HOXC9: variants seen among roughly 807,000 people sequenced by gnomAD.
HOXC9 encodes homeobox protein Hox-C9.
In HOXC9, 10 loss-of-function variants were observed where a neutral mutation model predicts 20.0. The observed-to-expected ratio is 0.50, with a 90% CI of 0.31 to 0.85. The LOEUF (loss-of-function observed/expected upper bound fraction) is 0.85, where lower values mean the gene tolerates loss of function less well. HOXC9 is among the 40% of genes least tolerant of loss of function. The pLI, the probability that HOXC9 is intolerant of heterozygous loss-of-function variation, is 0.05. For synonymous variants in HOXC9, 200 were observed against 163.7 expected, an observed-to-expected ratio of 1.22 and a Z score of -1.69; for missense variants, 394 against 376.7, an observed-to-expected ratio of 1.05 and a Z score of -0.38.
rs1180576140 is a variant in HOXC9 at position 54,003,054 on chromosome 12, G to C, written c.*380G>C. ...TTTCCCTGTATCGTATTTGGTCCAG[G>C]TCATCCCTCCCCGGGCCTGGGGCGC... On this transcript the variant is annotated 3_prime_UTR_variant, in exon 2 of 2. Transcript: ENST00000303450. 1 of 158,720 alleles carries C rather than the reference G, an allele frequency of 6.3e-6. No individual in the cohort carries two copies. Among genetic ancestry groups the C allele is most frequent in the East Asian group, 1.8e-4 (1 of 5,476 alleles). The allele number at this position is 158,720 out of a possible 1,614,324, so 9.8% of individuals were successfully genotyped here. A position where few individuals can be genotyped will look rare whatever the true frequency, so the allele number is the denominator to read the frequency against.
At chr12:54,002,083 T>C (rs1939758778) in intron 1 of HOXC9, among the ~76,000 whole-genome samples, 1 of 151,742 alleles carries the variant, frequency 6.6e-6, no homozygotes, top group Non-Finnish European at 1.5e-5. Flanking sequence ...GCTATAAAAA[T>C]AAAAAACAAG....
chr12:54,002,423 C>T lies in HOXC9; in HGVS notation c.539-7C>T. The T allele has an allele frequency of 6.2e-7, 1 of 1,612,320 alleles. No homozygotes were observed. The highest frequency in any genetic ancestry group is 8.5e-7 in the Non-Finnish European group (1 of 1,178,814). On this transcript the variant is annotated splice_region_variant and splice_polypyrimidine_tract_variant and intron_variant, in intron 1 of 1. Transcript: ENST00000303450. ...CCACTGACCCCTGCTTGTGTTTGGC[C>T]CTCCAGGCAACCCCGTGGCCAACTG... is the stretch of plus-strand genomic sequence containing the variant.
intron 1 of HOXC9, among the ~76,000 whole-genome samples, chr12:54,001,454 A>T (rs904646529): frequency 4.0e-5 from 6 of 148,766 alleles, no homozygotes; most frequent in Non-Finnish European, 8.9e-5. Flanking sequence ...ACACACACAC[A>T]CTCACTCTCA....
At chr12:54,002,346 C>G (rs1939764240) in intron 1 of HOXC9, 84 bp from the exon 2 acceptor site, 1 of 1,481,748 alleles carries the variant, frequency 6.7e-7, no homozygotes. Context: ...ATTTGGGGAG[C>G]CTGGCTAAGT....
Position 54,000,401 on chromosome 12 carries a change from T to A in HOXC9, c.213T>A (p.Ser71=). The change falls in exon 1 of 2, where the codon TCT becomes TCA. Residue 71 remains serine, a synonymous_variant. Coordinates refer to ENST00000303450, the MANE Select transcript of HOXC9 (RefSeq NM_006897.3). ...VFSTSWAPVP[S]QSSVVYHPYG... is the part of the protein sequence containing the mutation. ...GCACGTCGTGGGCGCCCGTGCCCTCTCAGTCGTCCGTGGTATATCACCCGT... is the reference window on the plus strand; with the variant it reads ...GCACGTCGTGGGCGCCCGTGCCCTCACAGTCGTCCGTGGTATATCACCCGT... The A allele has an allele frequency of 6.2e-7, 1 of 1,612,752 alleles. No homozygotes were observed. Among genetic ancestry groups the A allele is most frequent in the South Asian group, 1.1e-5 (1 of 91,082 alleles).
At position 54,000,559 on chromosome 12, in the gene HOXC9, C is replaced by T. The variant is rs1345014854; in HGVS notation, c.371C>T (p.Pro124Leu). The change falls in exon 1 of 2, where the codon CCC becomes CTC. Residue 124 changes from proline (P) to leucine (L), a missense_variant. Coordinates refer to ENST00000303450, the MANE Select transcript of HOXC9 (RefSeq NM_006897.3). ...TACGCCCTCAAGCCGGACGCCTACC[C>T]CGGGCGCCGCGCGGACTGCGGCCCA... ...RHYALKPDAY[P>L]GRRADCGPGE... 1.3e-6 allele frequency: 2 copies of T among 1,539,522 alleles called. No homozygotes were observed. The highest frequency in any genetic ancestry group is 4.1e-5 in the Admixed American group (2 of 48,634).
rs1460990570 is a variant in HOXC9, at chr12:54,000,467, G to T, written c.279G>T (p.Met93Ile). ...ACCTCGGCGCCGACACGCGCTACAT[G>T]CGGACTTGGCTCGAGCCGCTGTCCG... ...QPHLGADTRY[M>I]RTWLEPLSGA... is the part of the protein sequence containing the mutation. The change falls in exon 1 of 2, where the codon ATG becomes ATT. Residue 93 changes from methionine (M) to isoleucine (I), a missense_variant. Met to Ile is a conservative substitution (Grantham distance 10). Transcript: ENST00000303450. The T allele has an allele frequency of 6.2e-7, 1 of 1,602,676 alleles. No homozygotes were observed.
intron 1 of HOXC9, among the ~76,000 whole-genome samples, chr12:54,001,114 C>T (rs1248673612): frequency 6.6e-6 from 1 of 151,998 alleles, no homozygotes; most frequent in Non-Finnish European, 1.5e-5. Context: ...GTGAGGAGGA[C>T]ACTGGGGGCA....
chr12:54,001,716 C>T (rs1393014197), intron 1 of HOXC9, among the ~76,000 whole-genome samples: 2 of 152,104 alleles, frequency 1.3e-5, no homozygotes, highest in East Asian at 1.9e-4. Flanking sequence ...CCTCCCTGCC[C>T]TCAGCTACTC....
At position 54,000,626 on chromosome 12, in the gene HOXC9, C is replaced by G. The variant is rs771064924; in HGVS notation, c.438C>G (p.Pro146=). 2 of 1,539,014 alleles carry G rather than the reference C, an allele frequency of 1.3e-6. No individual in the cohort carries two copies. The highest frequency in any genetic ancestry group is 2.4e-5 in the South Asian group (2 of 84,586). ...RSYPDYMYGS[P]GELRDRAPQT... is the part of the protein sequence containing the mutation. ...ACCCGGACTACATGTACGGCTCGCC[C>G]GGGGAGCTGCGCGACCGCGCCCCGC... is the stretch of plus-strand genomic sequence containing the variant. The change falls in exon 1 of 2, where the codon CCC becomes CCG. Residue 146 remains proline, a synonymous_variant. Coordinates refer to ENST00000303450, the MANE Select transcript of HOXC9 (RefSeq NM_006897.3).
rs147255161 is a variant in HOXC9, at chr12:54,003,191, C to G, written c.*517C>G. ...CTGGGGACCATGCCGCGGGCTAGGT[C>G]GGGCCCGTGCAGGCCGGCGCCTTGG... On this transcript the variant is annotated 3_prime_UTR_variant, in exon 2 of 2. Coordinates refer to ENST00000303450, the MANE Select transcript of HOXC9 (RefSeq NM_006897.3). 4.0e-3 allele frequency: 610 copies of G among 154,288 alleles called. 4 individuals carry two copies. The highest frequency in any genetic ancestry group is 0.014 in the African/African-American group (565 of 41,494). The allele number at this position is 154,288 out of a possible 1,614,324, so 9.6% of individuals were successfully genotyped here. A position where few individuals can be genotyped will look rare whatever the true frequency, so the allele number is the denominator to read the frequency against.
rs763547019 is a variant in HOXC9, at chr12:54,000,309, A to T, written c.121A>T (p.Ser41Cys). The T allele has an allele frequency of 2.7e-5, 43 of 1,614,000 alleles. 1 individual carries two copies. In the Admixed American group the frequency reaches 7.2e-4, roughly 27 times the overall value. ...TGAHPAAARP[S>C]GLVPDCSDFP... ...GGCTCATCCCGCCGCCGCCAGACCC[A>T]GCGGTTTGGTGCCGGACTGTAGCGA... The change falls in exon 1 of 2, where the codon AGC becomes TGC. Residue 41 changes from serine to cysteine, a missense_variant. Ser to Cys is a moderately radical substitution (Grantham distance 112). Coordinates refer to ENST00000303450, the MANE Select transcript of HOXC9 (RefSeq NM_006897.3).
chr12:54,000,818 C>G, intron 1 of HOXC9, 92 bp downstream of exon 1: 1 of 1,204,210 alleles, frequency 8.3e-7, no homozygotes, highest in Non-Finnish European at 1.1e-6. Flanking sequence ...CCGAACCGTG[C>G]AGGGAGCGCG....
intron 1 of HOXC9, among the ~76,000 whole-genome samples, chr12:54,001,301 A>G (rs1315381744): frequency 6.6e-6 from 1 of 151,938 alleles, no homozygotes; most frequent in Non-Finnish European, 1.5e-5. Context: ...TTTCAAAGAG[A>G]AGTGGGGATA....
Position 54,000,312 on chromosome 12 carries a change from G to A in HOXC9, c.124G>A (p.Gly42Ser), listed in dbSNP as rs1402962160. ...TCATCCCGCCGCCGCCAGACCCAGC[G>A]GTTTGGTGCCGGACTGTAGCGATTT... ...GAHPAAARPS[G>S]LVPDCSDFPS... Residue 42 changes from glycine to serine, a missense_variant, in exon 1 of 2, where the codon GGT becomes AGT. Gly to Ser is a moderately conservative substitution (Grantham distance 56). Transcript: ENST00000303450. 6.2e-7 allele frequency: 1 copy of A among 1,614,112 alleles called. No individual in the cohort carries two copies. Among genetic ancestry groups the A allele is most frequent in the Non-Finnish European group, 8.5e-7 (1 of 1,180,026 alleles).
Position 54,000,724 on chromosome 12 carries a change from C to T in HOXC9, c.536C>T (p.Pro179Leu), listed in dbSNP as rs758746384. 2.0e-6 allele frequency: 3 copies of T among 1,529,922 alleles called. No individual in the cohort carries two copies. The highest frequency in any genetic ancestry group is 1.4e-5 in the African/African-American group (1 of 69,500). The allele number at this position is 1,529,922 out of a possible 1,614,324, so 94.8% of individuals were successfully genotyped here. A position where few individuals can be genotyped will look rare whatever the true frequency, so the allele number is the denominator to read the frequency against. ...AAAGAGGAGAAGGCCGACCTGGACC[C>T]CAGTAAGTTGGGAGCAATTTTCCTT... Reference protein sequence around the residue: ...KHKEEKADLDPSNPVANWIHA... With the variant: ...KHKEEKADLDLSNPVANWIHA... The change falls in exon 1 of 2, where the codon CCC (proline) becomes CTC (leucine). Residue 179 changes from proline to leucine, a missense_variant and splice_region_variant. Coordinates refer to ENST00000303450, the MANE Select transcript of HOXC9 (RefSeq NM_006897.3).
In HOXC9 at chr12:54,000,618, G is replaced by T. The variant is rs772449508; in HGVS notation, c.430G>T (p.Gly144Cys). 14 of 1,538,900 alleles carry T rather than the reference G, an allele frequency of 9.1e-6. No individual in the cohort carries two copies. The highest frequency in any genetic ancestry group is 1.2e-5 in the Non-Finnish European group (14 of 1,148,976). ...CCGCAGCTACCCGGACTACATGTAC[G>T]GCTCGCCCGGGGAGCTGCGCGACCG... ...EGRSYPDYMY[G>C]SPGELRDRAP... is the part of the protein sequence containing the mutation. The change falls in exon 1 of 2, where the codon GGC becomes TGC. Residue 144 changes from glycine (G) to cysteine (C), a missense_variant. By Grantham distance (159) the Gly-to-Cys change is radical. Coordinates refer to ENST00000303450, the MANE Select transcript of HOXC9 (RefSeq NM_006897.3).
intron 1 of HOXC9, among the ~76,000 whole-genome samples, chr12:54,002,061 G>A (rs1332218122): frequency 6.6e-6 from 1 of 151,996 alleles, no homozygotes. Context: ...AGGTGGGGAG[G>A]AGAGAGACCT....
rs1939719325 is a variant in HOXC9 at position 54,000,686 on chromosome 12, C to T, written c.498C>T (p.Ala166=). Residue 166 remains alanine (A), a synonymous_variant, in exon 1 of 2, where the codon GCC becomes GCT. Transcript: ENST00000303450. Reference sequence around the variant, plus strand: ...CCTCGCCCGAGGCGGACGCGCTCGCCGGCAGCAAGCACAAAGAGGAGAAGG... The same window carrying T: ...CCTCGCCCGAGGCGGACGCGCTCGCTGGCAGCAAGCACAAAGAGGAGAAGG... ...TLPSPEADAL[A]GSKHKEEKAD... 1.9e-6 allele frequency: 3 copies of T among 1,567,442 alleles called. No individual in the cohort carries two copies. The highest frequency in any genetic ancestry group is 2.6e-6 in the Non-Finnish European group (3 of 1,163,346).
Sources: allele counts gnomAD v4.1 joint callset (sites outside exome capture counted in the v4.1 genomes callset), GRCh38; gene constraint gnomAD v4.1.1; transcripts MANE v1.5; gene names NCBI Gene and HGNC (gene_info 2026-07-23, HGNC 2026-07-21).